Variants in ATP8B4 observed in about 807,000 individuals in gnomAD.
The protein encoded by ATP8B4 is probable phospholipid-transporting ATPase IM.
Under a neutral mutation model 145.6 loss-of-function variants are expected in ATP8B4, and 133 were observed. That is an observed-to-expected ratio of 0.91 (90% CI 0.79 to 1.05). The LOEUF (loss-of-function observed/expected upper bound fraction) is 1.05, where lower values mean the gene tolerates loss of function less well. ATP8B4 is among the 50% of genes least tolerant of loss of function. The pLI is 0.00. For synonymous variants in ATP8B4, 507 were observed against 492.9 expected (o/e 1.03, Z -0.38); for missense variants, 1,458 against 1,425.2 (o/e 1.02, Z -0.37).
In ATP8B4 at chr15:50,087,316, G is replaced by T. The variant is rs1267784160; in HGVS notation, c.29-13131C>A. ...AGATCTATATCTATTATATATAATA[G>T]ATATAGATCTATATTTATATATAAT... On this transcript the variant is annotated intron_variant, in intron 2 of 27. Coordinates refer to ENST00000284509, the MANE Select transcript of ATP8B4 (RefSeq NM_024837.4). Among the ~76,000 whole-genome samples the T allele has an allele frequency of 1.5e-3, 138 of 89,572 alleles. 1 individual carries two copies. Among genetic ancestry groups the T allele is most frequent in the African/African-American group, 5.7e-3 (115 of 20,052 alleles). The allele number at this position is 89,572 out of a possible 152,430, so 58.8% of individuals were successfully genotyped here.
intron 16 of ATP8B4, among the ~76,000 whole-genome samples, chr15:49,927,414 G>A (rs1336959825): frequency 1.3e-5 from 2 of 152,036 alleles, no homozygotes; most frequent in Non-Finnish European, 2.9e-5. Flanking sequence ...CCCATGTGAC[G>A]ATCATGAGAC....
chr15:49,877,760 C>A (rs1055285843), intron 24 of ATP8B4, among the ~76,000 whole-genome samples: 1 of 152,266 alleles, frequency 6.6e-6, no homozygotes, highest in Admixed American at 6.5e-5. Flanking sequence ...CATGATTAAA[C>A]CAGTATGTAA....
At chr15:50,115,196 G>A (rs2057128153) in intron 1 of ATP8B4, among the ~76,000 whole-genome samples, 1 of 152,010 alleles carries the variant, frequency 6.6e-6, no homozygotes, top group Non-Finnish European at 1.5e-5. Flanking sequence ...AATTAGCCAG[G>A]CATGGTGGCT....
At chr15:50,098,604 A>G (rs2056146870) in intron 2 of ATP8B4, among the ~76,000 whole-genome samples, 2 of 152,090 alleles carry the variant, frequency 1.3e-5, no homozygotes, top group South Asian at 4.1e-4. Context: ...TTTTTAACTT[A>G]TAGTGGCAAT....
chr15:50,097,384 A>G (rs1233850676), intron 2 of ATP8B4, among the ~76,000 whole-genome samples: 1 of 152,148 alleles, frequency 6.6e-6, no homozygotes, highest in Non-Finnish European at 1.5e-5. Flanking sequence ...TTATTCCCCA[A>G]CTGCAGAACA....
Position 49,876,384 on chromosome 15 carries a change from T to C in ATP8B4, c.2921A>G (p.Tyr974Cys), listed in dbSNP as rs576137751. 9.3e-6 allele frequency: 15 copies of C among 1,614,070 alleles called. No individual in the cohort carries two copies. The East Asian group carries it at 1.8e-4, about 19-fold the overall frequency. The change falls in exon 25 of 28, where the codon TAT becomes TGT. Residue 974 changes from tyrosine (Y) to cysteine (C), a missense_variant. Tyr to Cys is a radical substitution (Grantham distance 194). Coordinates refer to ENST00000284509, the MANE Select transcript of ATP8B4 (RefSeq NM_024837.4). ...YTSLVLFFIP[Y>C]GAFYNVAGED... ...TCCAGCCACGTTGTAAAAGGCCCCA[T>C]AGGGGATGAAGAAAAGGACTAATGA...
intron 1 of ATP8B4, among the ~76,000 whole-genome samples, chr15:50,129,054 C>T (rs965682040): frequency 2.0e-5 from 3 of 152,072 alleles, no homozygotes; most frequent in South Asian, 2.1e-4. Flanking sequence ...GGTGACAGAG[C>T]GAGACTCCGT....
At chr15:50,130,746 A>C (rs537258353) in intron 1 of ATP8B4, among the ~76,000 whole-genome samples, 6 of 152,148 alleles carry the variant, frequency 3.9e-5, no homozygotes, top group African/African-American at 1.4e-4. Flanking sequence ...ACTGCACTCC[A>C]GCCTGGTGAC....
At chr15:50,117,595 G>A (rs936337444) in intron 1 of ATP8B4, among the ~76,000 whole-genome samples, 2 of 152,048 alleles carry the variant, frequency 1.3e-5, no homozygotes, top group South Asian at 2.1e-4. Flanking sequence ...ATCACTCTGT[G>A]GTTTCTCAAA....
At chr15:49,894,503 T>G (rs939119325) in intron 23 of ATP8B4, among the ~76,000 whole-genome samples, 6 of 152,188 alleles carry the variant, frequency 3.9e-5, no homozygotes, top group African/African-American at 1.4e-4. Context: ...CCAAAACACC[T>G]GGAAAATCCA....
In ATP8B4 at chr15:49,961,850, T is replaced by G. The variant is rs2044109135; in HGVS notation, c.1287+127A>C. 1.9e-5 allele frequency: 14 copies of G among 740,222 alleles called. No individual in the cohort carries two copies. The South Asian group carries it at 2.6e-4, about 14-fold the overall frequency. The allele number at this position is 740,222 out of a possible 1,614,324, so 45.9% of individuals were successfully genotyped here. On this transcript the variant is annotated intron_variant, in intron 14 of 27. Coordinates refer to ENST00000284509, the MANE Select transcript of ATP8B4 (RefSeq NM_024837.4). ...ATTTTGAATCATATTAATCTATTTTTTAATGCTATGCATTAAGTATCTCAT... is the reference window on the plus strand; with the variant it reads ...ATTTTGAATCATATTAATCTATTTTGTAATGCTATGCATTAAGTATCTCAT...
rs947684915 is a variant in ATP8B4 at position 50,055,043 on chromosome 15, A to C, written c.88-7579T>G. On this transcript the variant is annotated intron_variant, in intron 3 of 27. Coordinates refer to ENST00000284509, the MANE Select transcript of ATP8B4 (RefSeq NM_024837.4). The stretch of plus-strand genomic sequence containing the variant: ...TTTGAATTCAGACACTGGCACATAA[A>C]CTACGTCAATTCTGAAATTTGCTGA... 4.6e-5 allele frequency among the ~76,000 whole-genome samples: 7 copies of C among 152,278 alleles called. No homozygotes were observed. The East Asian group carries it at 1.2e-3, about 25-fold the overall frequency.
At chr15:49,872,548 G>A (rs1458256040) in intron 25 of ATP8B4, among the ~76,000 whole-genome samples, 4 of 152,146 alleles carry the variant, frequency 2.6e-5, no homozygotes, top group Non-Finnish European at 5.9e-5. Context: ...TTGCTATCAT[G>A]TGCTCCCTGA....
rs1190772568 is a variant in ATP8B4, at chr15:49,964,090, TTC to T, written c.1244-2072_1244-2071del. On this transcript the variant is annotated intron_variant, in intron 13 of 27. Transcript: ENST00000284509. ...AGCATAGTGGGTTTTTAAATCTAAG[TTC>T]TCTCTCTCTTCTTTATACAATGCTA... Among the ~76,000 whole-genome samples, 13 of 152,126 alleles carry T rather than the reference TTC, an allele frequency of 8.5e-5. 1 individual carries two copies. Among genetic ancestry groups the T allele is most frequent in the Admixed American group, 7.9e-4 (12 of 15,276 alleles).
intron 6 of ATP8B4, among the ~76,000 whole-genome samples, chr15:50,012,092 G>T (rs180672708): frequency 1.3e-5 from 2 of 152,246 alleles, no homozygotes; most frequent in Non-Finnish European, 2.9e-5. Context: ...TCTCTAGCCA[G>T]AATTCAATCA....
At chr15:49,945,481 T>C (rs1280611266) in intron 14 of ATP8B4, among the ~76,000 whole-genome samples, 1 of 152,052 alleles carries the variant, frequency 6.6e-6, no homozygotes, top group African/African-American at 2.4e-5. Flanking sequence ...AAAAAATTGA[T>C]CAAGAGGGAA....
chr15:49,968,938 T>C (rs1311061050), intron 13 of ATP8B4, among the ~76,000 whole-genome samples: 4 of 152,180 alleles, frequency 2.6e-5, no homozygotes, highest in African/African-American at 9.7e-5. Context: ...CAGACCACAG[T>C]GTAATCAAAG....
intron 1 of ATP8B4, among the ~76,000 whole-genome samples, chr15:50,165,783 AGC>A (rs1481687486): frequency 6.6e-6 from 1 of 151,844 alleles, no homozygotes; most frequent in Non-Finnish European, 1.5e-5. Flanking sequence ...GAAAGAAAAA[AGC>A]AAATAAAAAA....
At chr15:50,115,165 C>T (rs1195476783) in intron 1 of ATP8B4, among the ~76,000 whole-genome samples, 5 of 152,104 alleles carry the variant, frequency 3.3e-5, no homozygotes, top group South Asian at 2.1e-4. Context: ...GGAAACATGG[C>T]GAAACCCTGT....
Sources: gnomAD v4.1 joint callset for allele counts (sites outside exome capture counted in the v4.1 genomes callset) on GRCh38, gnomAD v4.1.1 for gene constraint, MANE v1.5 for transcripts, NCBI Gene and HGNC (gene_info 2026-07-23, HGNC 2026-07-21) for gene names.